Variants in PDE4D observed in about 807,000 individuals in gnomAD.
PDE4D encodes the protein phosphodiesterase 4D, also known as 3',5'-cyclic-AMP phosphodiesterase 4D.
Under a neutral mutation model 87.4 loss-of-function variants are expected in PDE4D, and 24 were observed. The observed-to-expected ratio is 0.27, with a 90% CI of 0.20 to 0.39. The LOEUF (loss-of-function observed/expected upper bound fraction) is 0.39, where lower values mean the gene tolerates loss of function less well. Ranked by LOEUF, PDE4D falls within the 10% of genes least tolerant of loss-of-function variation. The pLI is 1.00. For missense variants in PDE4D, 714 were observed against 1,041.0 expected (o/e 0.69, Z 4.32); for synonymous variants, 384 against 383.2 (o/e 1.00, Z -0.02).
chr5:59,665,734 T>C (rs886667035), intron 1 of PDE4D, among the ~76,000 whole-genome samples: 5 of 152,188 alleles, frequency 3.3e-5, no homozygotes, highest in Non-Finnish European at 7.3e-5. Flanking sequence ...AATTAGGTCA[T>C]TAGGCCTCCA....
rs146812649 is a variant in PDE4D at position 60,300,349 on chromosome 5, G to C, written c.-89-114662C>G. Among the ~76,000 whole-genome samples, 1,347 of 151,880 alleles carry C rather than the reference G, an allele frequency of 8.9e-3. 21 individuals are homozygous for C. Among genetic ancestry groups the C allele is most frequent in the African/African-American group, 0.031 (1,270 of 41,212 alleles). ...AAAATTTTCTCCCATTCTGTAAGCT[G>C]TCTGTTCACTCTGATGATAGTTTTT... On this transcript the variant is annotated intron_variant, in intron 1 of 16. Coordinates refer to the PDE4D transcript ENST00000502484.
intron 1 of PDE4D, among the ~76,000 whole-genome samples, chr5:59,619,943 T>C (rs867011727): frequency 6.6e-6 from 1 of 152,170 alleles, no homozygotes; most frequent in Admixed American, 6.5e-5. Flanking sequence ...CTTTGCTTTT[T>C]GAAGGAAGTG....
intron 1 of PDE4D, among the ~76,000 whole-genome samples, chr5:59,289,909 G>A (rs1374511810): frequency 1.3e-5 from 2 of 151,828 alleles, no homozygotes; most frequent in Admixed American, 6.6e-5. Flanking sequence ...AAGAAATGGA[G>A]AAAGTAATCC....
intron 5 of PDE4D, among the ~76,000 whole-genome samples, chr5:59,141,533 G>A (rs924926825): frequency 6.6e-6 from 1 of 152,206 alleles, no homozygotes; most frequent in Non-Finnish European, 1.5e-5. Flanking sequence ...AGCCAACCAG[G>A]TGAGGCTCCA....
intron 6 of PDE4D, among the ~76,000 whole-genome samples, chr5:59,012,930 G>C (rs994138311): frequency 6.6e-6 from 1 of 152,146 alleles, no homozygotes; most frequent in Non-Finnish European, 1.5e-5. Context: ...AAATGTAATA[G>C]AACAGAAATT....
intron 1 of PDE4D, among the ~76,000 whole-genome samples, chr5:59,358,078 T>G (rs1781664704): frequency 6.6e-6 from 1 of 152,122 alleles, no homozygotes; most frequent in Non-Finnish European, 1.5e-5. Context: ...ACCAAGGGAG[T>G]CTTGAATATT....
chr5:59,501,325 G>T (rs1808254526), intron 1 of PDE4D, among the ~76,000 whole-genome samples: 1 of 152,118 alleles, frequency 6.6e-6, no homozygotes, highest in Admixed American at 6.5e-5. Flanking sequence ...TTGGGGTTCA[G>T]ATTTGTTTAC....
chr5:60,450,857 A>G (rs1311692165), intron 1 of PDE4D, among the ~76,000 whole-genome samples: 1 of 152,118 alleles, frequency 6.6e-6, no homozygotes, highest in African/African-American at 2.4e-5. Context: ...TTATATGGGT[A>G]TATTAGAATA....
upstream of PDE4D, chr5:60,488,415 A>C (rs3179884): frequency 6.6e-6 from 1 of 151,848 alleles, no homozygotes; most frequent in Non-Finnish European, 1.5e-5. Context: ...ACGGCAGCAA[A>C]CGCCTGAGGT....
At chr5:59,256,706 G>T (rs551873852) in intron 1 of PDE4D, among the ~76,000 whole-genome samples, 1 of 152,034 alleles carries the variant, frequency 6.6e-6, no homozygotes, top group East Asian at 1.9e-4. Flanking sequence ...TCATTTTGGA[G>T]TTGTTTTTGA....
intron 1 of PDE4D, among the ~76,000 whole-genome samples, chr5:59,567,718 C>T (rs2153694350): frequency 6.6e-6 from 1 of 152,178 alleles, no homozygotes; most frequent in Admixed American, 6.5e-5. Context: ...TGGAACAGCA[C>T]CACTGGAATT....
At chr5:59,952,279 A>G (rs1758373971) in intron 3 of PDE4D, among the ~76,000 whole-genome samples, 1 of 152,054 alleles carries the variant, frequency 6.6e-6, no homozygotes, top group Non-Finnish European at 1.5e-5. Context: ...TTTATAAATT[A>G]CCCAGTCTCA....
At chr5:60,240,039 T>G (rs1035008217) in intron 1 of PDE4D, among the ~76,000 whole-genome samples, 2 of 152,140 alleles carry the variant, frequency 1.3e-5, no homozygotes, top group African/African-American at 4.8e-5. Context: ...CTGTAATGTT[T>G]CCAGTGGTTT....
At chr5:59,818,853 CAA>C (rs931655946) in intron 1 of PDE4D, among the ~76,000 whole-genome samples, 2 of 107,534 alleles carry the variant, frequency 1.9e-5, no homozygotes, top group African/African-American at 3.6e-5. Flanking sequence ...TGGGGAAGAG[CAA>C]AAAAAAAAAG....
intron 1 of PDE4D, among the ~76,000 whole-genome samples, chr5:59,597,781 G>A (rs1007387429): frequency 1.3e-5 from 2 of 152,130 alleles, no homozygotes; most frequent in African/African-American, 4.8e-5. Context: ...TTGCATTCAA[G>A]TGTAGAATAA....
chr5:59,951,037 C>A (rs546206077), intron 3 of PDE4D, among the ~76,000 whole-genome samples: 40 of 152,018 alleles, frequency 2.6e-4, no homozygotes, highest in Non-Finnish European at 5.2e-4. Flanking sequence ...ATTCAAAGTT[C>A]TTCATAAATA....
chr5:60,441,755 A>G (rs1189521850), intron 1 of PDE4D, among the ~76,000 whole-genome samples: 1 of 152,150 alleles, frequency 6.6e-6, no homozygotes, highest in Non-Finnish European at 1.5e-5. Context: ...GAAACCAAAC[A>G]ACCCCATCAA....
At chr5:59,187,937 CTT>C (rs527548171) in intron 3 of PDE4D, among the ~76,000 whole-genome samples, 129 of 152,140 alleles carry the variant, frequency 8.5e-4, no homozygotes, top group African/African-American at 3.1e-3. Context: ...CTGACTGACT[CTT>C]GGTGTCGTCA....
intron 3 of PDE4D, among the ~76,000 whole-genome samples, chr5:59,975,907 G>A (rs1394115934): frequency 6.6e-6 from 1 of 152,154 alleles, no homozygotes; most frequent in African/African-American, 2.4e-5. Flanking sequence ...AAGTGAGTTT[G>A]CTCCCCAGTG....
Sources: gnomAD v4.1 joint callset for allele counts (sites outside exome capture counted in the v4.1 genomes callset) on GRCh38, gnomAD v4.1.1 for gene constraint, MANE v1.5 for transcripts, NCBI Gene and HGNC (gene_info 2026-07-23, HGNC 2026-07-21) for gene names.